Variants in AUTS2 observed in about 807,000 individuals in gnomAD.
The protein encoded by AUTS2 is autism susceptibility gene 2 protein.
In AUTS2, 17 loss-of-function variants were observed where a neutral mutation model predicts 112.4. The ratio of observed to expected loss-of-function variants is 0.15; its 90% CI spans 0.10 to 0.23. The LOEUF (loss-of-function observed/expected upper bound fraction) is 0.23. Ranked by LOEUF, AUTS2 falls within the 10% of genes least tolerant of loss-of-function variation. AUTS2 has a pLI of 1.00. For missense variants in AUTS2, 1,510 were observed against 1,701.6 expected, an observed-to-expected ratio of 0.89 and a Z score of 1.98; for synonymous variants, 751 against 702.7, an observed-to-expected ratio of 1.07 and a Z score of -1.09.
intron 2 of AUTS2, among the ~76,000 whole-genome samples, chr7:70,096,067 G>A (rs1804180913): frequency 6.6e-6 from 1 of 152,142 alleles, no homozygotes; most frequent in South Asian, 2.1e-4. Context: ...CTCTCCAGCT[G>A]TGGGAAATGG....
chr7:69,838,666 C>T (rs558811271), intron 1 of AUTS2, among the ~76,000 whole-genome samples: 1 of 152,208 alleles, frequency 6.6e-6, no homozygotes, highest in African/African-American at 2.4e-5. Flanking sequence ...TTTAAAGATT[C>T]TTTTAGCAGT....
At chr7:70,591,789 G>C (rs11766758) in intron 5 of AUTS2, among the ~76,000 whole-genome samples, 35,213 of 152,112 alleles carry the variant, frequency 0.23, 4,410 homozygotes, top group Middle Eastern at 0.34. Context: ...AGGGCTATTT[G>C]CTGGTCTCTT....
At chr7:70,520,472 C>T (rs1799597787) in intron 5 of AUTS2, among the ~76,000 whole-genome samples, 1 of 152,172 alleles carries the variant, frequency 6.6e-6, no homozygotes. Context: ...AGAATGTTGT[C>T]TCCAGCAATT....
intron 5 of AUTS2, among the ~76,000 whole-genome samples, chr7:70,460,744 C>T (rs927957499): frequency 2.6e-5 from 4 of 152,106 alleles, no homozygotes; most frequent in African/African-American, 9.7e-5. Flanking sequence ...TAATTTACTT[C>T]GAATGTCTCT....
At chr7:70,100,786 T>A (rs2129569367) in intron 2 of AUTS2, among the ~76,000 whole-genome samples, 1 of 152,296 alleles carries the variant, frequency 6.6e-6, no homozygotes, top group Non-Finnish European at 1.5e-5. Context: ...AAAGAATTTA[T>A]TACAATAGGA....
chr7:69,710,658 A>G (rs1255721377), intron 1 of AUTS2, among the ~76,000 whole-genome samples: 1 of 152,230 alleles, frequency 6.6e-6, no homozygotes, highest in East Asian at 1.9e-4. Flanking sequence ...GCAGTCTCTT[A>G]GCTGAGAAGT....
intron 4 of AUTS2, among the ~76,000 whole-genome samples, chr7:70,140,604 A>G (rs1806811014): frequency 6.6e-6 from 1 of 152,184 alleles, no homozygotes; most frequent in Non-Finnish European, 1.5e-5. Flanking sequence ...GTGTTCATTC[A>G]TCACCTGTTA....
At position 70,213,799 on chromosome 7, in the gene AUTS2, C is replaced by T. The variant is rs140418805; in HGVS notation, c.660+79228C>T. Among the ~76,000 whole-genome samples the T allele has an allele frequency of 1.7e-3, 265 of 152,228 alleles. 1 individual carries two copies. The highest frequency in any genetic ancestry group is 6.0e-3 in the African/African-American group (251 of 41,528). On this transcript the variant is annotated intron_variant, in intron 4 of 18. Transcript: ENST00000342771. ...TAGCATGGGCTTTAGAGTCAAGAGGCCTGAGTTTTAATTCTCAGGCTTTAT... is the reference window on the plus strand; with the variant it reads ...TAGCATGGGCTTTAGAGTCAAGAGGTCTGAGTTTTAATTCTCAGGCTTTAT...
At chr7:69,947,589 G>A (rs1584480004) in intron 2 of AUTS2, among the ~76,000 whole-genome samples, 1 of 152,216 alleles carries the variant, frequency 6.6e-6, no homozygotes, top group East Asian at 1.9e-4. Context: ...TTATAAACAA[G>A]GCCCAATTGT....
intron 4 of AUTS2, among the ~76,000 whole-genome samples, chr7:70,281,466 T>C (rs2129610542): frequency 6.6e-6 from 1 of 152,302 alleles, no homozygotes; most frequent in African/African-American, 2.4e-5. Context: ...GCAAGTGCTG[T>C]AGAAAGTTTT....
chr7:70,768,893 T>TTTTTTTA (rs1790123358), intron 10 of AUTS2, among the ~76,000 whole-genome samples: 2 of 151,082 alleles, frequency 1.3e-5, no homozygotes, highest in Non-Finnish European at 1.5e-5. Flanking sequence ...TTTTTTTTTT[T>TTTTTTTA]AATGAAACCA....
At position 70,344,578 on chromosome 7, in the gene AUTS2, T is replaced by A. The variant is rs543593544; in HGVS notation, c.661-91174T>A. On this transcript the variant is annotated intron_variant, in intron 4 of 18. Coordinates refer to ENST00000342771, the MANE Select transcript of AUTS2 (RefSeq NM_015570.4). ...AGTGGTCTTAACACATTCAGAGAACTGCATTCTTCTTGGCTCTCTAAATTC... is the reference window on the plus strand; with the variant it reads ...AGTGGTCTTAACACATTCAGAGAACAGCATTCTTCTTGGCTCTCTAAATTC... Among the ~76,000 whole-genome samples the A allele has an allele frequency of 8.5e-5, 13 of 152,316 alleles. No homozygotes were observed. The South Asian group carries it at 2.7e-3, about 32-fold the overall frequency.
intron 1 of AUTS2, among the ~76,000 whole-genome samples, chr7:69,727,607 A>T (rs1284745604): frequency 6.6e-6 from 1 of 152,100 alleles, no homozygotes; most frequent in East Asian, 1.9e-4. Context: ...AAAATAAAAA[A>T]AATAAAAAAT....
At chr7:69,915,275 A>G (rs533516168) in intron 2 of AUTS2, among the ~76,000 whole-genome samples, 1 of 152,218 alleles carries the variant, frequency 6.6e-6, no homozygotes, top group African/African-American at 2.4e-5. Flanking sequence ...CTTTTAAGAA[A>G]CTTTTGAGAA....
chr7:69,611,507 T>C (rs1399806223), intron 1 of AUTS2, among the ~76,000 whole-genome samples: 1 of 152,234 alleles, frequency 6.6e-6, no homozygotes, highest in Non-Finnish European at 1.5e-5. Context: ...TAAATGTTTT[T>C]AAATATTGAA....
At chr7:70,640,461 G>A (rs1187822707) in intron 5 of AUTS2, among the ~76,000 whole-genome samples, 1 of 146,576 alleles carries the variant, frequency 6.8e-6, no homozygotes, top group African/African-American at 2.5e-5. Flanking sequence ...AATCCTGCAT[G>A]AGGTCAGGGG....
At chr7:69,629,771 G>T (rs1197308807) in intron 1 of AUTS2, among the ~76,000 whole-genome samples, 1 of 152,160 alleles carries the variant, frequency 6.6e-6, no homozygotes, top group Non-Finnish European at 1.5e-5. Context: ...ATAATGCAAG[G>T]TGATGGGACA....
At chr7:69,868,714 A>G (rs900732823) in intron 1 of AUTS2, among the ~76,000 whole-genome samples, 9 of 152,328 alleles carry the variant, frequency 5.9e-5, no homozygotes, top group Non-Finnish European at 1.2e-4. Flanking sequence ...TCCTCATTTT[A>G]TAAGAGATAA....
intron 2 of AUTS2, among the ~76,000 whole-genome samples, chr7:70,066,919 T>C (rs1304138809): frequency 6.6e-6 from 1 of 152,226 alleles, no homozygotes; most frequent in Non-Finnish European, 1.5e-5. Context: ...TCAAACTCAC[T>C]TCTATTTGTC....
Sources: gnomAD v4.1 joint callset for allele counts (sites outside exome capture counted in the v4.1 genomes callset) on GRCh38, gnomAD v4.1.1 for gene constraint, MANE v1.5 for transcripts, NCBI Gene and HGNC (gene_info 2026-07-23, HGNC 2026-07-21) for gene names.